The following SAG variants were observed in gnomAD, a reference collection of about 807,000 sequenced individuals.
SAG encodes S-arrestin.
A neutral mutation model predicts 55.0 loss-of-function variants in SAG; 45 were observed. That is an observed-to-expected ratio of 0.82 (90% CI 0.64 to 1.05). The LOEUF is 1.05. SAG is among the 50% of genes least tolerant of loss of function. SAG has a pLI of 0.00. For missense variants in SAG, 455 were observed against 512.1 expected (o/e 0.89, Z 1.08); for synonymous variants, 189 against 197.4 (o/e 0.96, Z 0.36).
chr2:233,315,997 G>GGCT (rs1700208793), intron 2 of SAG, 78 bp from the exon 3 acceptor site: 2 of 857,648 alleles, frequency 2.3e-6, no homozygotes, highest in African/African-American at 3.4e-5. Context: ...ACCGCGCCCG[G>GGCT]GCTGCTGCTG....
At chr2:233,320,087 C>A in intron 4 of SAG, 1 of 697,060 alleles carries the variant, frequency 1.4e-6, no homozygotes, top group Non-Finnish European at 1.8e-6. Context: ...TGTTTCAGAG[C>A]AGCGTGAAAA....
At position 233,338,770 on chromosome 2, in the gene SAG, C is replaced by A. The variant is rs755682655; in HGVS notation, c.1022+17C>A. 2.5e-6 allele frequency: 4 copies of A among 1,605,998 alleles called. No individual in the cohort carries two copies. Among genetic ancestry groups the A allele is most frequent in the Non-Finnish European group, 3.4e-6 (4 of 1,172,712 alleles). On this transcript the variant is annotated intron_variant, in intron 12 of 15. Coordinates refer to ENST00000409110, the MANE Select transcript of SAG (RefSeq NM_000541.5). ...AGTGTCAGGGTAAGTGTCCCGGCAC[C>A]AACCCTCGGGCTGCTCTGTCCTGGT...
Position 233,319,817 on chromosome 2 carries a change from G to A in SAG, c.182-813G>A, listed in dbSNP as rs1700325614. 13 of 985,670 alleles carry A rather than the reference G, an allele frequency of 1.3e-5. No individual in the cohort carries two copies. Among genetic ancestry groups the A allele is most frequent in the African/African-American group, 5.2e-5 (3 of 57,252 alleles). 61.1% of individuals were successfully genotyped at this position (985,670 alleles called of 1,614,324 possible). On this transcript the variant is annotated intron_variant, in intron 4 of 15. Coordinates refer to ENST00000409110, the MANE Select transcript of SAG (RefSeq NM_000541.5). The surrounding 1 kb of genome is among the most constrained non-coding windows in gnomAD (Gnocchi z 4.4). Reference sequence around the variant, plus strand: ...TTAGTCCTGAGCTTGAATGAGGGGCGAGTGAGTGGCCACTGTTTCTTCTGA... The same window carrying A: ...TTAGTCCTGAGCTTGAATGAGGGGCAAGTGAGTGGCCACTGTTTCTTCTGA...
intron 5 of SAG, 65 bp downstream of exon 5, chr2:233,320,888 C>A: frequency 7.3e-7 from 1 of 1,368,974 alleles, no homozygotes; most frequent in Non-Finnish European, 1.0e-6. Flanking sequence ...TGGATGGGGG[C>A]AAAGGAAAGG....
Position 233,338,856 on chromosome 2 carries a change from C to G in SAG, c.1022+103C>G. On this transcript the variant is annotated intron_variant, in intron 12 of 15. Coordinates refer to ENST00000409110, the MANE Select transcript of SAG (RefSeq NM_000541.5). ...TGGGAGACAGAAAGCAAGGAAAGGC[C>G]CATAGCTTCTACCAAGGATTACCAA... 6.3e-6 allele frequency: 6 copies of G among 945,794 alleles called. No homozygotes were observed. In the Admixed American group the frequency reaches 8.9e-5, roughly 14 times the overall value. 58.6% of individuals were successfully genotyped at this position (945,794 alleles called of 1,614,324 possible).
intron 11 of SAG, 79 bp from the exon 12 acceptor site, chr2:233,338,597 C>G: frequency 7.8e-7 from 1 of 1,276,484 alleles, no homozygotes; most frequent in Non-Finnish European, 1.1e-6. Flanking sequence ...GCATGCCTGC[C>G]TCGAATGGAA....
chr2:233,346,326 A>T (rs1365044339), intron 14 of SAG, 77 bp from the exon 15 acceptor site: 1 of 1,483,260 alleles, frequency 6.7e-7, no homozygotes, highest in Non-Finnish European at 9.4e-7. Context: ...TTCTAGGTAC[A>T]GCTATGATAT....
At chr2:233,313,839 A>T (rs1574927456) in intron 2 of SAG, among the ~76,000 whole-genome samples, 1 of 142,918 alleles carries the variant, frequency 7.0e-6, no homozygotes. Flanking sequence ...CAGTGTTGGG[A>T]TTACAGGCAT....
intron 14 of SAG, chr2:233,345,055 A>T (rs180808646): frequency 1.5e-4 from 23 of 151,694 alleles, no homozygotes; most frequent in African/African-American, 5.6e-4. Context: ...CCTCATAGAC[A>T]CTCCCTCCCA....
At chr2:233,326,255 G>C (rs1391908182) in intron 6 of SAG, among the ~76,000 whole-genome samples, 1 of 152,134 alleles carries the variant, frequency 6.6e-6, no homozygotes, top group Non-Finnish European at 1.5e-5. Flanking sequence ...TAAAAACTAG[G>C]AGATTTCACT....
At position 233,319,129 on chromosome 2, in the gene SAG, T is replaced by A; in HGVS notation, c.181+334T>A. On this transcript the variant is annotated intron_variant, in intron 4 of 15. Coordinates refer to ENST00000409110, the MANE Select transcript of SAG (RefSeq NM_000541.5). The surrounding 1 kb of genome is among the most constrained non-coding windows in gnomAD (Gnocchi z 4.4). ...TGTGCTAGGGGCAAACTCAGGAGGG[T>A]GCCTGGGGTGCCTAGGACTCAGGAG... 2.1e-6 allele frequency: 1 copy of A among 470,166 alleles called. No individual in the cohort carries two copies. The highest frequency in any genetic ancestry group is 4.8e-5 in the East Asian group (1 of 20,788). The allele number at this position is 470,166 out of a possible 1,614,324, so 29.1% of individuals were successfully genotyped here. A position where few individuals can be genotyped will look rare whatever the true frequency, so the allele number is the denominator to read the frequency against.
chr2:233,313,017 C>T (rs1475997530), intron 2 of SAG, among the ~76,000 whole-genome samples: 1 of 152,164 alleles, frequency 6.6e-6, no homozygotes, highest in East Asian at 1.9e-4. Flanking sequence ...CCTCTGTAAC[C>T]GTGTGTGGGA....
chr2:233,337,485 C>T (rs560044917), intron 11 of SAG, among the ~76,000 whole-genome samples: 178 of 152,276 alleles, frequency 1.2e-3, no homozygotes, highest in Middle Eastern at 3.4e-3. Context: ...GCGATCTGCC[C>T]GCCTCCGTCT....
chr2:233,322,921 A>G, intron 5 of SAG, 25 bp from the exon 6 acceptor site: 1 of 1,439,516 alleles, frequency 6.9e-7, no homozygotes, highest in African/African-American at 1.4e-5. Flanking sequence ...GAAATAAATG[A>G]TTTTTTATTT....
chr2:233,315,998 G>T, intron 2 of SAG, 77 bp from the exon 3 acceptor site: 1 of 863,168 alleles, frequency 1.2e-6, no homozygotes, highest in Admixed American at 2.1e-5. Flanking sequence ...CCGCGCCCGG[G>T]CTGCTGCTGG....
intron 11 of SAG, among the ~76,000 whole-genome samples, chr2:233,337,899 G>C (rs573552735): frequency 4.6e-5 from 7 of 152,322 alleles, no homozygotes; most frequent in African/African-American, 1.7e-4. Context: ...GTGATGAAAT[G>C]CCCGGCACAG....
intron 14 of SAG, chr2:233,342,543 C>G: frequency 1.7e-6 from 1 of 576,972 alleles, no homozygotes; most frequent in Non-Finnish European, 3.1e-6. Context: ...CTGGAGTCTG[C>G]AAGATGTAGC....
intron 2 of SAG, among the ~76,000 whole-genome samples, chr2:233,313,119 A>G (rs1700121682): frequency 6.6e-6 from 1 of 152,186 alleles, no homozygotes; most frequent in African/African-American, 2.4e-5. Context: ...TGTGCTGCAC[A>G]CTGAGGTGTG....
At chr2:233,313,707 G>A (rs1037544373) in intron 2 of SAG, among the ~76,000 whole-genome samples, 1 of 133,432 alleles carries the variant, frequency 7.5e-6, no homozygotes, top group African/African-American at 2.9e-5. Flanking sequence ...CACCTTGCCC[G>A]GGCTAATCTT....
Sources: gnomAD v4.1 joint callset for allele counts (sites outside exome capture counted in the v4.1 genomes callset) on GRCh38, gnomAD v4.1.1 for gene constraint, Gnocchi (gnomAD v3.1) non-coding constraint, MANE v1.5 for transcripts, NCBI Gene and HGNC (gene_info 2026-07-23, HGNC 2026-07-21) for gene names.